MOBP: variants seen among roughly 807,000 people sequenced by gnomAD.
MOBP encodes the protein myelin associated oligodendrocyte basic protein.
A neutral mutation model predicts 15.0 loss-of-function variants in MOBP; 5 were observed. That is an observed-to-expected ratio of 0.33 (90% CI 0.17 to 0.70). The LOEUF is 0.70. Among genes scored for constraint, MOBP ranks in the 30% least tolerant of loss-of-function variants. The pLI is 0.67. For missense variants in MOBP, 188 were observed against 257.8 expected, an observed-to-expected ratio of 0.73 and a Z score of 1.85; for synonymous variants, 88 against 99.0, an observed-to-expected ratio of 0.89 and a Z score of 0.66.
chr3:39,472,678 C>A (rs1294070577), intron 1 of MOBP, among the ~76,000 whole-genome samples: 2 of 152,180 alleles, frequency 1.3e-5, no homozygotes, highest in African/African-American at 2.4e-5. Context: ...GTAATCCTAG[C>A]ACTTTGGGAG....
At chr3:39,505,632 C>T (rs1171580985), downstream of MOBP, among the ~76,000 whole-genome samples, 1 of 152,220 alleles carries the variant, frequency 6.6e-6, no homozygotes, top group Non-Finnish European at 1.5e-5. Flanking sequence ...GCCAGAGAGG[C>T]TTCCAGTCCT....
At chr3:39,509,098 G>A (rs879670888) in intron 4 of MOBP, among the ~76,000 whole-genome samples, 41 of 96,738 alleles carry the variant, frequency 4.2e-4, no homozygotes, top group Non-Finnish European at 1.1e-3. Context: ...GTTTGTGTGT[G>A]TGTGTGTATA....
intron 4 of MOBP, chr3:39,513,353 T>C (rs778008267): frequency 1.2e-6 from 2 of 1,605,050 alleles, no homozygotes; most frequent in African/African-American, 1.3e-5. Context: ...ACCTATGTCA[T>C]GTGTTTTTCT....
intron 2 of MOBP, among the ~76,000 whole-genome samples, chr3:39,484,081 A>G (rs2042666023): frequency 6.6e-6 from 1 of 152,226 alleles, no homozygotes; most frequent in South Asian, 2.1e-4. Context: ...TTATTATAAC[A>G]TAGTCCACAA....
chr3:39,512,347 G>A (rs1265427851), intron 4 of MOBP, among the ~76,000 whole-genome samples: 1 of 152,126 alleles, frequency 6.6e-6, no homozygotes, highest in Non-Finnish European at 1.5e-5. Flanking sequence ...TATCTATGGG[G>A]AGTTCGAAAA....
At chr3:39,476,553 A>G (rs1307578933) in intron 1 of MOBP, among the ~76,000 whole-genome samples, 1 of 152,220 alleles carries the variant, frequency 6.6e-6, no homozygotes, top group African/African-American at 2.4e-5. Flanking sequence ...ACTATCTATA[A>G]TGTATTTATT....
downstream of MOBP, chr3:39,528,908 G>T (rs544713831): frequency 2.0e-5 from 3 of 152,380 alleles, no homozygotes; most frequent in South Asian, 6.2e-4. Flanking sequence ...GGGCACTATT[G>T]CAAGTTATGT....
chr3:39,499,902 A>G, intron 2 of MOBP: 1 of 404,694 alleles, frequency 2.5e-6, no homozygotes, highest in Non-Finnish European at 5.0e-6. Context: ...CTTTGGCCAG[A>G]TGAAATGCCT....
intron 2 of MOBP, among the ~76,000 whole-genome samples, chr3:39,489,497 T>C (rs1328205004): frequency 1.3e-5 from 2 of 152,208 alleles, no homozygotes; most frequent in Non-Finnish European, 1.5e-5. Context: ...GTGTATATTC[T>C]TTGCACATAT....
At chr3:39,475,237 G>T (rs113714403) in intron 1 of MOBP, among the ~76,000 whole-genome samples, 1 of 152,058 alleles carries the variant, frequency 6.6e-6, no homozygotes, top group Non-Finnish European at 1.5e-5. Flanking sequence ...AATTACACAG[G>T]GATGATGTGT....
At chr3:39,473,958 CA>C (rs1423316424) in intron 1 of MOBP, among the ~76,000 whole-genome samples, 1 of 152,144 alleles carries the variant, frequency 6.6e-6, no homozygotes, top group Non-Finnish European at 1.5e-5. Context: ...AGGTGTTACA[CA>C]AGTAAAGTGA....
chr3:39,472,633 T>G (rs983095611), intron 1 of MOBP, among the ~76,000 whole-genome samples: 3 of 152,120 alleles, frequency 2.0e-5, no homozygotes, highest in African/African-American at 7.2e-5. Context: ...GCCAAAAAAT[T>G]GGGCGCCACT....
At chr3:39,469,987 T>A (rs2042446706) in intron 1 of MOBP, among the ~76,000 whole-genome samples, 1 of 152,212 alleles carries the variant, frequency 6.6e-6, no homozygotes, top group African/African-American at 2.4e-5. Context: ...AGATTCTTTG[T>A]GTGTGTTGGA....
chr3:39,488,832 T>C (rs1418195058), intron 2 of MOBP, among the ~76,000 whole-genome samples: 1 of 152,222 alleles, frequency 6.6e-6, no homozygotes, highest in Non-Finnish European at 1.5e-5. Flanking sequence ...CTGCTGCCCT[T>C]GTCAAAGTCT....
intron 2 of MOBP, among the ~76,000 whole-genome samples, chr3:39,501,017 C>T (rs1443846965): frequency 6.6e-6 from 1 of 152,174 alleles, no homozygotes; most frequent in African/African-American, 2.4e-5. Context: ...CTACCTGCTT[C>T]TCAGCTGTCA....
intron 3 of MOBP, among the ~76,000 whole-genome samples, chr3:39,523,313 C>T (rs1425515106): frequency 6.6e-6 from 1 of 152,200 alleles, no homozygotes; most frequent in Non-Finnish European, 1.5e-5. Flanking sequence ...ATTCGCCTCT[C>T]AGTATAATCT....
At chr3:39,473,663 G>A (rs571800022) in intron 1 of MOBP, among the ~76,000 whole-genome samples, 1 of 152,300 alleles carries the variant, frequency 6.6e-6, no homozygotes, top group East Asian at 1.9e-4. Flanking sequence ...CACAGGGGAG[G>A]CAATTGCTAT....
chr3:39,513,456 G>A (rs769546332), exon 5 of MOBP: 55 of 1,608,214 alleles, frequency 3.4e-5, no homozygotes, highest in Middle Eastern at 1.7e-4. Context: ...GAACAACCTC[G>A]GCTCCTGGAC....
intron 3 of MOBP, among the ~76,000 whole-genome samples, chr3:39,523,299 G>A (rs1423346636): frequency 6.6e-6 from 1 of 152,190 alleles, no homozygotes; most frequent in Non-Finnish European, 1.5e-5. Context: ...TTTCATTGGA[G>A]TATATTCGCC....
Sources: gnomAD v4.1 joint callset for allele counts (sites outside exome capture counted in the v4.1 genomes callset) on GRCh38, gnomAD v4.1.1 for gene constraint, MANE v1.5 for transcripts, NCBI Gene and HGNC (gene_info 2026-07-23, HGNC 2026-07-21) for gene names.